The following SH3PXD2B variants were observed in gnomAD, a reference collection of about 807,000 sequenced individuals.
SH3PXD2B encodes SH3 and PX domain-containing protein 2B.
In SH3PXD2B, 37 loss-of-function variants were observed where a neutral mutation model predicts 73.1. That is an observed-to-expected ratio of 0.51 (90% CI 0.39 to 0.67). The LOEUF (loss-of-function observed/expected upper bound fraction) is 0.67. Ranked by LOEUF, SH3PXD2B falls within the 30% of genes least tolerant of loss-of-function variation. The pLI, the probability that SH3PXD2B is intolerant of heterozygous loss-of-function variation, is 0.00. For synonymous variants in SH3PXD2B, 457 were observed against 480.5 expected (o/e 0.95, Z 0.64); for missense variants, 1,053 against 1,197.8 (o/e 0.88, Z 1.78).
intron 1 of SH3PXD2B, among the ~76,000 whole-genome samples, chr5:172,426,041 T>G (rs1442054854): frequency 1.3e-5 from 2 of 152,150 alleles, no homozygotes; most frequent in Admixed American, 1.3e-4. Context: ...AAGAATGGAT[T>G]TTTTTCTTAA....
chr5:172,380,312 C>T lies in SH3PXD2B; in HGVS notation c.401+1724G>A, dbSNP rs181280186. On this transcript the variant is annotated intron_variant, in intron 5 of 12. Transcript: ENST00000311601. ...CTGTGCTCAAGCAATCCTTCCGCCTCGGCCTCCTAAAGTGCTGGGATTACA... is the reference window on the plus strand; with the variant it reads ...CTGTGCTCAAGCAATCCTTCCGCCTTGGCCTCCTAAAGTGCTGGGATTACA... Among the ~76,000 whole-genome samples, 252 of 152,236 alleles carry T rather than the reference C, an allele frequency of 1.7e-3. 2 individuals are homozygous for T. The highest frequency in any genetic ancestry group is 2.7e-3 in the Admixed American group (42 of 15,298).
chr5:172,438,260 G>A (rs1406470010), intron 1 of SH3PXD2B, among the ~76,000 whole-genome samples: 1 of 152,178 alleles, frequency 6.6e-6, no homozygotes, highest in Non-Finnish European at 1.5e-5. Context: ...CCAAGTCTCA[G>A]TCTAGCTCCC....
chr5:172,383,455 T>C (rs939024986), intron 4 of SH3PXD2B, among the ~76,000 whole-genome samples: 3 of 152,244 alleles, frequency 2.0e-5, no homozygotes, highest in African/African-American at 7.2e-5. Flanking sequence ...ACAACAGAAG[T>C]GCAGGGTACA....
At chr5:172,389,876 C>A (rs903732867) in intron 4 of SH3PXD2B, among the ~76,000 whole-genome samples, 1 of 152,140 alleles carries the variant, frequency 6.6e-6, no homozygotes, top group East Asian at 1.9e-4. Context: ...CACACTGCCC[C>A]CTTCTGTTCA....
intron 12 of SH3PXD2B, among the ~76,000 whole-genome samples, chr5:172,327,751 G>A (rs1284905399): frequency 1.0e-5 from 1 of 99,464 alleles, no homozygotes. Context: ...ACTGCAACTG[G>A]GTTTTTTTTT....
rs139557252 is a variant in SH3PXD2B at position 172,348,793 on chromosome 5, A to G, written c.1013-1461T>C. 6.3e-3 allele frequency among the ~76,000 whole-genome samples: 956 copies of G among 151,954 alleles called. 8 individuals are homozygous for G. Among genetic ancestry groups the G allele is most frequent in the African/African-American group, 0.017 (699 of 41,420 alleles). On this transcript the variant is annotated intron_variant, in intron 10 of 12. Coordinates refer to ENST00000311601, the MANE Select transcript of SH3PXD2B (RefSeq NM_001017995.3). ...GCAATCACAGCTCACTGTAGCCTCA[A>G]TCTCCTGGGTTCAAGTGATCCTCCC...
intron 1 of SH3PXD2B, among the ~76,000 whole-genome samples, chr5:172,447,398 T>G (rs2113517986): frequency 6.6e-6 from 1 of 152,324 alleles, no homozygotes; most frequent in East Asian, 1.9e-4. Context: ...CTCATGGATA[T>G]AGCACGTTTT....
At chr5:172,442,457 G>T (rs181336188) in intron 1 of SH3PXD2B, among the ~76,000 whole-genome samples, 144 of 152,164 alleles carry the variant, frequency 9.5e-4, no homozygotes, top group African/African-American at 3.2e-3. Context: ...ATAGTTCATT[G>T]TAAGGCTATA....
chr5:172,380,262 T>C (rs1757913968), intron 5 of SH3PXD2B, among the ~76,000 whole-genome samples: 1 of 152,176 alleles, frequency 6.6e-6, no homozygotes, highest in Non-Finnish European at 1.5e-5. Context: ...GATCTGACTA[T>C]GTTGCTCAGG....
intron 6 of SH3PXD2B, among the ~76,000 whole-genome samples, chr5:172,371,247 T>C (rs1757696563): frequency 6.6e-6 from 1 of 152,204 alleles, no homozygotes; most frequent in Admixed American, 6.5e-5. Flanking sequence ...AAACAAAGAA[T>C]GCTTTTAAGT....
Position 172,406,317 on chromosome 5 carries a change from T to C in SH3PXD2B, c.192A>G (p.Gly64=). Residue 64 remains glycine, a synonymous_variant, in exon 3 of 13, where the codon GGA becomes GGG. Transcript: ENST00000311601. The part of the protein sequence containing the change: ...QMLDKFPMEG[G]QKDPKQRIIP... ...TGATCCGCTGCTTGGGGTCCTTCTG[T>C]CCTCCTTCCATGGGAAATTTGTCCA... is the stretch of plus-strand genomic sequence containing the variant. The C allele has an allele frequency of 6.2e-7, 1 of 1,613,990 alleles. No individual in the cohort carries two copies. The highest frequency in any genetic ancestry group is 1.3e-5 in the African/African-American group (1 of 74,988).
rs1335893323 is a variant in SH3PXD2B at position 172,338,214 on chromosome 5, A to C, written c.*155T>G. On this transcript the variant is annotated 3_prime_UTR_variant, in exon 13 of 13. Coordinates refer to ENST00000311601, the MANE Select transcript of SH3PXD2B (RefSeq NM_001017995.3). This position sits in a 1 kb window ranked among gnomAD's most constrained non-coding sequence, Gnocchi z 5.1. ...GCCCAGGGGCGCCCGAGGTGTCCGA[A>C]ACTCACTCTCCACCCATGGGAGGCA... 6.5e-7 allele frequency: 1 copy of C among 1,531,444 alleles called. No homozygotes were observed. The highest frequency in any genetic ancestry group is 2.0e-5 in the Admixed American group (1 of 48,952). The allele number at this position is 1,531,444 out of a possible 1,614,324, so 94.9% of individuals were successfully genotyped here. A position where few individuals can be genotyped will look rare whatever the true frequency, so the allele number is the denominator to read the frequency against.
chr5:172,344,289 A>G (rs1289449312), intron 12 of SH3PXD2B, among the ~76,000 whole-genome samples: 2 of 152,166 alleles, frequency 1.3e-5, no homozygotes, highest in Admixed American at 6.5e-5. Context: ...TGGATCTATC[A>G]TAAGAAAACA....
intron 6 of SH3PXD2B, among the ~76,000 whole-genome samples, chr5:172,364,482 T>C (rs772986054): frequency 2.6e-5 from 4 of 151,962 alleles, no homozygotes; most frequent in Non-Finnish European, 5.9e-5. Flanking sequence ...CTGGCCAACA[T>C]AGCGAAACCC....
At chr5:172,349,293 G>A (rs963442879) in intron 10 of SH3PXD2B, among the ~76,000 whole-genome samples, 1 of 152,230 alleles carries the variant, frequency 6.6e-6, no homozygotes. Context: ...CATCTCTGTG[G>A]GTAGCTGGAA....
At chr5:172,398,497 A>C (rs764206885) in intron 3 of SH3PXD2B, among the ~76,000 whole-genome samples, 2 of 152,134 alleles carry the variant, frequency 1.3e-5, no homozygotes, top group Non-Finnish European at 2.9e-5. Flanking sequence ...TGATATTTTA[A>C]TTGCTGCCCC....
intron 4 of SH3PXD2B, among the ~76,000 whole-genome samples, chr5:172,392,657 T>C (rs1040925217): frequency 1.3e-5 from 2 of 148,154 alleles, no homozygotes; most frequent in Non-Finnish European, 3.0e-5. Context: ...TGGTGGTGGG[T>C]GCCTGTAATC....
intron 11 of SH3PXD2B, 76 bp downstream of exon 11, chr5:172,347,207 G>T: frequency 1.4e-6 from 2 of 1,412,878 alleles, no homozygotes; most frequent in South Asian, 1.2e-5. Flanking sequence ...AGGGCGAGGG[G>T]TGTGTGAGGG....
chr5:172,367,395 T>C (rs2113334540), intron 6 of SH3PXD2B, among the ~76,000 whole-genome samples: 1 of 151,828 alleles, frequency 6.6e-6, no homozygotes, highest in South Asian at 2.1e-4. Context: ...ATCAGTTTTT[T>C]TTTTTTTTTT....
Sources: gnomAD v4.1 joint callset for allele counts (sites outside exome capture counted in the v4.1 genomes callset) on GRCh38, gnomAD v4.1.1 for gene constraint, Gnocchi (gnomAD v3.1) non-coding constraint, MANE v1.5 for transcripts, NCBI Gene and HGNC (gene_info 2026-07-23, HGNC 2026-07-21) for gene names.